The following MAPT variants were observed in gnomAD, a reference collection of about 807,000 sequenced individuals.
MAPT encodes microtubule associated protein tau.
In MAPT, 34 loss-of-function variants were observed where a neutral mutation model predicts 67.9. The observed-to-expected ratio is 0.50, with a 90% CI of 0.38 to 0.67. The LOEUF is 0.67. Ranked by LOEUF, MAPT falls within the 30% of genes least tolerant of loss-of-function variation. The probability of loss-of-function intolerance (pLI) is 0.00; values close to 1 mark genes in which losing one functional copy is unlikely to be tolerated. For synonymous variants in MAPT, 456 were observed against 464.5 expected, an observed-to-expected ratio of 0.98 and a Z score of 0.23; for missense variants, 881 against 1,115.2, an observed-to-expected ratio of 0.79 and a Z score of 2.99.
At chr17:45,937,092 G>T (rs947105763) in intron 1 of MAPT, among the ~76,000 whole-genome samples, 1 of 152,154 alleles carries the variant, frequency 6.6e-6, no homozygotes. Context: ...TCAGTGTGGC[G>T]CACATTTGAG....
At chr17:45,969,998 G>A (rs940789668) in intron 2 of MAPT, among the ~76,000 whole-genome samples, 11 of 130,624 alleles carry the variant, frequency 8.4e-5, no homozygotes, top group African/African-American at 3.0e-4. Context: ...TACATACATC[G>A]AATCATCTAC....
chr17:45,954,295 G>A (rs944905012), intron 1 of MAPT, among the ~76,000 whole-genome samples: 28 of 152,150 alleles, frequency 1.8e-4, no homozygotes, highest in Admixed American at 9.2e-4. Context: ...CAGAGACCAC[G>A]TGGCCCACAA....
chr17:45,909,081 CG>C (rs2064549977), intron 1 of MAPT, among the ~76,000 whole-genome samples: 1 of 152,222 alleles, frequency 6.6e-6, no homozygotes, highest in African/African-American at 2.4e-5. Flanking sequence ...CTGCAGAGTG[CG>C]GGCACCTTGG....
chr17:45,908,535 T>A (rs2064495120), intron 1 of MAPT, among the ~76,000 whole-genome samples: 1 of 152,104 alleles, frequency 6.6e-6, no homozygotes, highest in Non-Finnish European at 1.5e-5. Flanking sequence ...CACTACCTGA[T>A]CCCCCTTCCT....
chr17:46,018,163 A>AG (rs563025991), intron 11 of MAPT, among the ~76,000 whole-genome samples: 1 of 146,580 alleles, frequency 6.8e-6, no homozygotes, highest in African/African-American at 2.5e-5. Flanking sequence ...AAAAAAAAAA[A>AG]CAGACTTTAC....
rs568067396 is a variant in MAPT, at chr17:45,991,524, A to G, written c.1670A>G (p.Gln557Arg). 6.8e-6 allele frequency: 11 copies of G among 1,614,218 alleles called. No homozygotes were observed. In the East Asian group the frequency reaches 2.2e-4, roughly 33 times the overall value. ...GCAGCCCCTCCAGGCCAGAAGGGCC[A>G]GGCCAACGCCACCAGGATTCCAGCA... ...RGAAPPGQKG[Q>R]ANATRIPAKT... Residue 557 changes from glutamine to arginine, a missense_variant, in exon 8 of 13, where the codon CAG becomes CGG. This residue lies in a region of MAPT where 687 missense variants were observed against 766.1 expected (regional missense o/e 0.90). Transcript: ENST00000262410.
At chr17:45,988,840 G>C (rs889401424) in intron 6 of MAPT, among the ~76,000 whole-genome samples, 1 of 152,120 alleles carries the variant, frequency 6.6e-6, no homozygotes, top group African/African-American at 2.4e-5. Context: ...AGCCGTGATG[G>C]CACCACTGCA....
chr17:45,923,449 T>A (rs2065953083), intron 1 of MAPT, among the ~76,000 whole-genome samples: 1 of 152,252 alleles, frequency 6.6e-6, no homozygotes, highest in Non-Finnish European at 1.5e-5. Context: ...GGGGTCCGGC[T>A]GTCCCTGATT....
chr17:45,977,119 G>A (rs2072452504), intron 3 of MAPT: 1 of 152,746 alleles, frequency 6.5e-6, no homozygotes, highest in Admixed American at 6.5e-5. Context: ...TCTGTGTCAT[G>A]CTAGTGCTAG....
intron 11 of MAPT, among the ~76,000 whole-genome samples, chr17:46,018,139 T>A (rs1426875237): frequency 7.8e-6 from 1 of 127,404 alleles, no homozygotes; most frequent in African/African-American, 3.0e-5. Context: ...AGCAAGACTC[T>A]GTCTCAAGAA....
At chr17:45,909,875 A>G (rs1568145426) in intron 1 of MAPT, among the ~76,000 whole-genome samples, 1 of 115,688 alleles carries the variant, frequency 8.6e-6, no homozygotes. Flanking sequence ...GTCTCAAAAA[A>G]AAAAAAAAAA....
At chr17:45,968,441 C>T (rs2071312178) in intron 2 of MAPT, among the ~76,000 whole-genome samples, 1 of 152,184 alleles carries the variant, frequency 6.6e-6, no homozygotes, top group African/African-American at 2.4e-5. Context: ...TTTAACTGGG[C>T]ACAGCTCTGT....
intron 2 of MAPT, among the ~76,000 whole-genome samples, chr17:45,964,837 C>T (rs1220504090): frequency 6.6e-6 from 1 of 152,050 alleles, no homozygotes; most frequent in Non-Finnish European, 1.5e-5. Context: ...TTTCTCGTCC[C>T]TCCCTCCTCT....
At chr17:46,013,369 C>T (rs1189737130) in intron 10 of MAPT, among the ~76,000 whole-genome samples, 1 of 152,248 alleles carries the variant, frequency 6.6e-6, no homozygotes, top group Non-Finnish European at 1.5e-5. Flanking sequence ...TGTGGAGTCC[C>T]TACAGCGTGC....
At chr17:45,936,387 G>A (rs2067329790) in intron 1 of MAPT, among the ~76,000 whole-genome samples, 1 of 152,222 alleles carries the variant, frequency 6.6e-6, no homozygotes. Flanking sequence ...GTATCCAGGG[G>A]CTGCCTGTAG....
chr17:45,932,317 A>G (rs1200940958), intron 1 of MAPT, among the ~76,000 whole-genome samples: 2 of 151,528 alleles, frequency 1.3e-5, no homozygotes, highest in East Asian at 3.9e-4. Context: ...TCTGCCAGGC[A>G]CGGTGGCTCA....
At chr17:45,998,258 C>A (rs2145857375) in intron 9 of MAPT, among the ~76,000 whole-genome samples, 1 of 152,312 alleles carries the variant, frequency 6.6e-6, no homozygotes, top group East Asian at 1.9e-4. Flanking sequence ...ACCCAGGATC[C>A]CCCCTGCCCC....
rs1272343337 is a variant in MAPT at position 45,982,914 on chromosome 17, T to A, written c.335T>A (p.Leu112Gln). ...CAGAGGAAGGCGCCTGAAAGGCCCC[T>A]GGCCAATGAGATTAGCGCCCACGTC... ...GRQRKAPERP[L>Q]ANEISAHVQP... The change falls in exon 5 of 13, where the codon CTG (leucine) becomes CAG (glutamine). Residue 112 changes from leucine to glutamine, a missense_variant. This residue lies in a region of MAPT where 687 missense variants were observed against 766.1 expected (regional missense o/e 0.90). Coordinates refer to ENST00000262410, the MANE Select transcript of MAPT (RefSeq NM_001377265.1). The A allele has an allele frequency of 7.4e-7, 1 of 1,356,040 alleles. No individual in the cohort carries two copies. The highest frequency in any genetic ancestry group is 2.7e-5 in the East Asian group (1 of 37,198). 84.0% of individuals were successfully genotyped at this position (1,356,040 alleles called of 1,614,324 possible). A position where few individuals can be genotyped will look rare whatever the true frequency, so the allele number is the denominator to read the frequency against.
At chr17:45,940,187 C>T (rs1314348883) in intron 1 of MAPT, among the ~76,000 whole-genome samples, 4 of 152,198 alleles carry the variant, frequency 2.6e-5, no homozygotes, top group African/African-American at 7.2e-5. Flanking sequence ...ATATCAAATG[C>T]ATGGATTTGA....
Sources: allele counts gnomAD v4.1 joint callset (sites outside exome capture counted in the v4.1 genomes callset), GRCh38; gene constraint gnomAD v4.1.1; regional missense constraint gnomAD v4.1.1; transcripts MANE v1.5; gene names NCBI Gene and HGNC (gene_info 2026-07-23, HGNC 2026-07-21).